KCNH3: variants seen among roughly 807,000 people sequenced by gnomAD.
KCNH3 encodes the protein voltage-gated inwardly rectifying potassium channel KCNH3.
KCNH3 carries 36 observed loss-of-function variants against 95.6 expected under a neutral mutation model. The ratio of observed to expected loss-of-function variants is 0.38; its 90% CI spans 0.29 to 0.50. KCNH3 has a LOEUF of 0.50. Among genes scored for constraint, KCNH3 ranks in the 20% least tolerant of loss-of-function variants. The probability of loss-of-function intolerance (pLI) is 0.95; values close to 1 mark genes in which losing one functional copy is unlikely to be tolerated. For missense variants in KCNH3, 1,030 were observed against 1,484.1 expected (o/e 0.69, Z 5.03); for synonymous variants, 620 against 646.3 (o/e 0.96, Z 0.62).
At chr12:49,543,663 G>C (rs1008458896) in intron 5 of KCNH3, 145 bp downstream of exon 5, 1 of 1,220,452 alleles carries the variant, frequency 8.2e-7, no homozygotes, top group South Asian at 1.6e-5. Context: ...TCAGACCTAG[G>C]TTCCAAACAT....
chr12:49,548,960 G>A lies in KCNH3; in HGVS notation c.1255G>A (p.Gly419Arg). The change falls in exon 8 of 15, where the codon GGA (glycine) becomes AGA (arginine). Residue 419 changes from glycine to arginine, a missense_variant. Transcript: ENST00000257981. ...PYYLVGRRPA[G>R]GNSSGQSDNC... Reference sequence around the variant, plus strand: ...CTACCTGGTGGGCCGGAGGCCAGCTGGAGGGAACAGCTCCGGCCAGAGTGA... The same window carrying A: ...CTACCTGGTGGGCCGGAGGCCAGCTAGAGGGAACAGCTCCGGCCAGAGTGA... 7 of 1,608,786 alleles carry A rather than the reference G, an allele frequency of 4.4e-6. No homozygotes were observed. The highest frequency in any genetic ancestry group is 5.9e-6 in the Non-Finnish European group (7 of 1,178,242).
Position 49,540,010 on chromosome 12 carries a change from C to G in KCNH3, c.76+518C>G, listed in dbSNP as rs559125915. Among the ~76,000 whole-genome samples, 14 of 152,328 alleles carry G rather than the reference C, an allele frequency of 9.2e-5. No individual in the cohort carries two copies. In the East Asian group the frequency reaches 2.5e-3, roughly 27 times the overall value. On this transcript the variant is annotated intron_variant, in intron 1 of 14. Coordinates refer to ENST00000257981, the MANE Select transcript of KCNH3 (RefSeq NM_012284.3). ...AACCCCCTAGACTTGGGGAGGCCAT[C>G]TAGCCCCAAGAAGATGGTTTGGGGA...
chr12:49,554,261 A>G, intron 10 of KCNH3, 76 bp from the exon 11 acceptor site: 1 of 1,205,048 alleles, frequency 8.3e-7, no homozygotes, highest in South Asian at 1.2e-5. Context: ...AGGGAATCTC[A>G]GCAACCTGCA....
At chr12:49,557,037 A>G (rs1938484117) in intron 13 of KCNH3, 146 bp from the exon 14 acceptor site, 2 of 778,972 alleles carry the variant, frequency 2.6e-6, no homozygotes, top group South Asian at 1.7e-5. Context: ...GGCAAAATTC[A>G]GCACCTTGGG....
Position 49,557,995 on chromosome 12 carries a change from C to T in KCNH3, c.*42C>T, listed in dbSNP as rs1220366578. On this transcript the variant is annotated 3_prime_UTR_variant, in exon 15 of 15. Transcript: ENST00000257981. ...TCAGCGTTGCCAGGTGTGCTGCCAT[C>T]TGCTGTTCGGCCCAACCTCAGAGTG... 6.9e-7 allele frequency: 1 copy of T among 1,439,420 alleles called. No homozygotes were observed. The highest frequency in any genetic ancestry group is 9.2e-7 in the Non-Finnish European group (1 of 1,092,698). The allele number at this position is 1,439,420 out of a possible 1,614,324, so 89.2% of individuals were successfully genotyped here.
At position 49,557,772 on chromosome 12, in the gene KCNH3, G is replaced by A; in HGVS notation, c.3071G>A (p.Gly1024Glu). 2 of 1,611,224 alleles carry A rather than the reference G, an allele frequency of 1.2e-6. No individual in the cohort carries two copies. Among genetic ancestry groups the A allele is most frequent in the Non-Finnish European group, 1.7e-6 (2 of 1,178,590 alleles). The change falls in exon 15 of 15, where the codon GGG becomes GAG. Residue 1024 changes from glycine (G) to glutamate (E), a missense_variant. Gly to Glu is a moderately conservative substitution (Grantham distance 98, BLOSUM62 -2). Coordinates refer to ENST00000257981, the MANE Select transcript of KCNH3 (RefSeq NM_012284.3). The part of the protein sequence containing the change: ...TPASPPPSEE[G>E]ARTGPAEPVS... ...GCCTCCCCTCCTCCTTCTGAGGAAG[G>A]GGCTAGGACTGGGCCCGCAGAGCCT...
At chr12:49,545,538 A>G (rs1400080985) in intron 7 of KCNH3, among the ~76,000 whole-genome samples, 1 of 151,634 alleles carries the variant, frequency 6.6e-6, no homozygotes, top group Non-Finnish European at 1.5e-5. Context: ...GACTACAGGC[A>G]TCCGCCAGCA....
rs1937783221 is a variant in KCNH3, at chr12:49,539,279, C to T, written c.-138C>T. Reference sequence around the variant, plus strand: ...GCCAGCGTCCGGCGCGACCCCGGATCCCGGTCTGCGCATTGCCCCCCGACG... The same window carrying T: ...GCCAGCGTCCGGCGCGACCCCGGATTCCGGTCTGCGCATTGCCCCCCGACG... On this transcript the variant is annotated 5_prime_UTR_variant, in exon 1 of 15. Coordinates refer to ENST00000257981, the MANE Select transcript of KCNH3 (RefSeq NM_012284.3). This position sits in a 1 kb window ranked among gnomAD's most constrained non-coding sequence, Gnocchi z 6.7. The T allele has an allele frequency of 3.0e-5, 10 of 338,318 alleles. No individual in the cohort carries two copies. In the South Asian group the frequency reaches 1.4e-3, roughly 48 times the overall value. The allele number at this position is 338,318 out of a possible 1,614,324, so 21.0% of individuals were successfully genotyped here.
At position 49,557,657 on chromosome 12, in the gene KCNH3, C is replaced by A; in HGVS notation, c.2956C>A (p.Pro986Thr). ...PWGPPASQSS[P>T]WPRATAFWTS... ...GGGTCCCCCAGCGTCTCAGAGCTCC[C>A]CCTGGCCTCGAGCCACAGCTTTCTG... The change falls in exon 15 of 15, where the codon CCC becomes ACC. Residue 986 changes from proline (P) to threonine (T), a missense_variant. Transcript: ENST00000257981. 1 of 1,613,608 alleles carries A rather than the reference C, an allele frequency of 6.2e-7. No homozygotes were observed. Among genetic ancestry groups the A allele is most frequent in the Non-Finnish European group, 8.5e-7 (1 of 1,179,940 alleles).
chr12:49,548,095 CGTGTGTGTGTGTGTGTGTGTGT>C (rs369626063), intron 7 of KCNH3, among the ~76,000 whole-genome samples: 1 of 146,616 alleles, frequency 6.8e-6, no homozygotes, highest in African/African-American at 2.5e-5. Flanking sequence ...CCTGTGACTA[CGTGTGTGTGTGTGTGTGTGTGT>C]GTGTGTGTGT....
chr12:49,542,748 TC>T lies in KCNH3; in HGVS notation c.489del (p.Phe163LeufsTer45), dbSNP rs1265708221. On this transcript the variant is annotated frameshift_variant, in exon 4 of 15. Transcript: ENST00000257981. LOFTEE classifies it high-confidence loss of function. ...TATGGCCGGGCACGATCCAAAGGCT[TC>T]AATGCCAACCGGCGGCGGAGCCGGG... ...RRYGRARSKG[F>X]NANRRRSRAV... 1 of 1,590,002 alleles carries T rather than the reference TC, an allele frequency of 6.3e-7. No individual in the cohort carries two copies. Among genetic ancestry groups the T allele is most frequent in the East Asian group, 2.3e-5 (1 of 43,974 alleles).
chr12:49,543,172 T>C (rs1937933441), intron 4 of KCNH3, 103 bp from the exon 5 acceptor site: 8 of 1,272,724 alleles, frequency 6.3e-6, no homozygotes, highest in Non-Finnish European at 8.7e-6. Context: ...GCTTCGATAA[T>C]GCAGGGATAG....
chr12:49,539,346 C>G lies in KCNH3; in HGVS notation c.-71C>G. ...CGGGGCCCGGCGGGGGGCGGCCGAGCTGGGCGCCCTCCCCCGGCGCGGAGT... is the reference window on the plus strand; with the variant it reads ...CGGGGCCCGGCGGGGGGCGGCCGAGGTGGGCGCCCTCCCCCGGCGCGGAGT... On this transcript the variant is annotated 5_prime_UTR_variant, in exon 1 of 15. Transcript: ENST00000257981. This position sits in a 1 kb window ranked among gnomAD's most constrained non-coding sequence, Gnocchi z 6.7. 13 of 1,012,986 alleles carry G rather than the reference C, an allele frequency of 1.3e-5. No individual in the cohort carries two copies. Among genetic ancestry groups the G allele is most frequent in the Non-Finnish European group, 1.7e-5 (13 of 770,966 alleles). 62.7% of individuals were successfully genotyped at this position (1,012,986 alleles called of 1,614,324 possible).
At chr12:49,550,417 A>G in intron 10 of KCNH3, 88 bp downstream of exon 10, 1 of 1,473,790 alleles carries the variant, frequency 6.8e-7, no homozygotes, top group Non-Finnish European at 9.1e-7. Flanking sequence ...GGGGACCTCC[A>G]CAAGGCCACT....
chr12:49,543,207 ACT>A (rs1937934741), intron 4 of KCNH3, 66 bp from the exon 5 acceptor site: 1 of 1,544,782 alleles, frequency 6.5e-7, no homozygotes. Context: ...CGGGTCCCAG[ACT>A]CTATCCAAAC....
At chr12:49,543,681 T>G (rs1937952941) in intron 5 of KCNH3, 163 bp downstream of exon 5, 3 of 1,104,742 alleles carry the variant, frequency 2.7e-6, no homozygotes. Context: ...CATCTGCCAC[T>G]TAGAAGTTAT....
rs775620693 is a variant in KCNH3 at position 49,543,905 on chromosome 12, T to C, written c.824-10T>C. 2 of 1,600,448 alleles carry C rather than the reference T, an allele frequency of 1.2e-6. No individual in the cohort carries two copies. The highest frequency in any genetic ancestry group is 1.7e-6 in the Non-Finnish European group (2 of 1,169,052). ...GCCCCAGTGCTGACTCCCACCCGGA[T>C]TCCCCACAGACATTGTGCTGAATTT... is the stretch of plus-strand genomic sequence containing the variant. On this transcript the variant is annotated splice_polypyrimidine_tract_variant and intron_variant, in intron 5 of 14. Coordinates refer to ENST00000257981, the MANE Select transcript of KCNH3 (RefSeq NM_012284.3).
At position 49,539,655 on chromosome 12, in the gene KCNH3, T is replaced by G. The variant is rs996071999; in HGVS notation, c.76+163T>G. Among the ~76,000 whole-genome samples, 3 of 152,156 alleles carry G rather than the reference T, an allele frequency of 2.0e-5. No homozygotes were observed. Among genetic ancestry groups the G allele is most frequent in the Non-Finnish European group, 4.4e-5 (3 of 68,030 alleles). On this transcript the variant is annotated intron_variant, in intron 1 of 14. Transcript: ENST00000257981. This position sits in a 1 kb window ranked among gnomAD's most constrained non-coding sequence, Gnocchi z 6.7. ...GGGGCCATCGTCTCCTGCTAGGCGC[T>G]GTTTCCCCGAAGGTTCGAAGGTTCG...
At chr12:49,555,163 G>A (rs182504207) in intron 11 of KCNH3, among the ~76,000 whole-genome samples, 5 of 151,958 alleles carry the variant, frequency 3.3e-5, no homozygotes, top group South Asian at 2.1e-4. Flanking sequence ...TCATCTGGCC[G>A]GGCGCGGTGG....
Sources: allele counts gnomAD v4.1 joint callset (sites outside exome capture counted in the v4.1 genomes callset), GRCh38; gene constraint gnomAD v4.1.1; non-coding constraint Gnocchi (gnomAD v3.1); transcripts MANE v1.5; gene names NCBI Gene and HGNC (gene_info 2026-07-23, HGNC 2026-07-21).